STARD3NL: variants seen among roughly 807,000 people sequenced by gnomAD.
The protein encoded by STARD3NL is STARD3 N-terminal-like protein.
STARD3NL carries 17 observed loss-of-function variants against 30.9 expected under a neutral mutation model. That is an observed-to-expected ratio of 0.55 (90% CI 0.38 to 0.82). The LOEUF (loss-of-function observed/expected upper bound fraction) is 0.82, where lower values mean the gene tolerates loss of function less well. Ranked by LOEUF, STARD3NL falls within the 40% of genes least tolerant of loss-of-function variation. STARD3NL has a pLI of 0.00. For synonymous variants in STARD3NL, 112 were observed against 100.5 expected, an observed-to-expected ratio of 1.11 and a Z score of -0.69; for missense variants, 234 against 277.6, an observed-to-expected ratio of 0.84 and a Z score of 1.12.
intron 1 of STARD3NL, among the ~76,000 whole-genome samples, chr7:38,181,420 A>G (rs1784241755): frequency 6.6e-6 from 1 of 152,214 alleles, no homozygotes; most frequent in African/African-American, 2.4e-5. Context: ...TTATAAATTA[A>G]TATGAATAAG....
In STARD3NL at chr7:38,225,042, C is replaced by T. The variant is rs114343556; in HGVS notation, c.650-3757C>T. On this transcript the variant is annotated intron_variant, in intron 7 of 8. Coordinates refer to ENST00000009041, the MANE Select transcript of STARD3NL (RefSeq NM_032016.4). ...GTATGGGGTCTTTTTGATCATATCC[C>T]GGCTAGCAGATTTAAAGTGGTATCT... Among the ~76,000 whole-genome samples, 281 of 152,126 alleles carry T rather than the reference C, an allele frequency of 1.8e-3. 1 individual carries two copies. Among genetic ancestry groups the T allele is most frequent in the African/African-American group, 6.5e-3 (268 of 41,512 alleles).
intron 7 of STARD3NL, among the ~76,000 whole-genome samples, chr7:38,223,411 C>G (rs1786577002): frequency 6.6e-6 from 1 of 152,140 alleles, no homozygotes; most frequent in African/African-American, 2.4e-5. Context: ...CTTAAGTGAA[C>G]CAGTTATGAA....
intron 1 of STARD3NL, among the ~76,000 whole-genome samples, chr7:38,204,913 A>G (rs1402980892): frequency 6.6e-6 from 1 of 152,210 alleles, no homozygotes; most frequent in East Asian, 1.9e-4. Flanking sequence ...CTCGACACAT[A>G]CACCCTCCCA....
At chr7:38,186,137 T>C (rs1418869687) in intron 1 of STARD3NL, among the ~76,000 whole-genome samples, 2 of 152,172 alleles carry the variant, frequency 1.3e-5, no homozygotes, top group Non-Finnish European at 2.9e-5. Flanking sequence ...TGGTGATACA[T>C]CTCTAAGAGG....
chr7:38,207,827 T>G, intron 2 of STARD3NL, 98 bp downstream of exon 2: 1 of 1,116,774 alleles, frequency 9.0e-7, no homozygotes, highest in East Asian at 2.5e-5. Flanking sequence ...ATTTAGTAAT[T>G]TCCATCTTTT....
chr7:38,183,119 G>T (rs983622507), intron 1 of STARD3NL, among the ~76,000 whole-genome samples: 9 of 152,108 alleles, frequency 5.9e-5, no homozygotes, highest in African/African-American at 2.2e-4. Flanking sequence ...TATTTTAATT[G>T]TATGTTAAAT....
At position 38,222,141 on chromosome 7, in the gene STARD3NL, T is replaced by TCACACACACACACA. The variant is rs3223376; in HGVS notation, c.649+2512_649+2525dup. ...CCTACATTAGGCCTAGTTAATATTT[T>TCACACACACACACA]CACACACACACACACACACACACAC... On this transcript the variant is annotated intron_variant, in intron 7 of 8. Transcript: ENST00000009041. Among the ~76,000 whole-genome samples, 331 of 144,278 alleles carry TCACACACACACACA rather than the reference T, an allele frequency of 2.3e-3. 1 individual carries two copies. The highest frequency in any genetic ancestry group is 6.4e-3 in the African/African-American group (253 of 39,254). 94.7% of individuals were successfully genotyped at this position (144,278 alleles called of 152,430 possible).
At chr7:38,214,569 C>A in intron 3 of STARD3NL, 135 bp downstream of exon 3, 1 of 544,916 alleles carries the variant, frequency 1.8e-6, no homozygotes, top group Admixed American at 3.6e-5. Flanking sequence ...TCTTTTAATT[C>A]CCCACCCATT....
In STARD3NL at chr7:38,226,152, G is replaced by GTTTTTTTTTTTTTTTTTTT; in HGVS notation, c.650-2643_650-2625dup. 2.0e-5 allele frequency among the ~76,000 whole-genome samples: 2 copies of GTTTTTTTTTTTTTTTTTTT among 102,474 alleles called. 1 individual carries two copies. The highest frequency in any genetic ancestry group is 3.8e-5 in the Non-Finnish European group (2 of 52,370). 67.2% of individuals were successfully genotyped at this position (102,474 alleles called of 152,430 possible). On this transcript the variant is annotated intron_variant, in intron 7 of 8. Coordinates refer to ENST00000009041, the MANE Select transcript of STARD3NL (RefSeq NM_032016.4). ...ACTTTCTTGAATCTTTGCCTATCTT[G>GTTTTTTTTTTTTTTTTTTT]TTTTTTTTTTTTTTTTTTTTTTGAT... is the stretch of plus-strand genomic sequence containing the variant.
chr7:38,198,510 T>C (rs1785028675), intron 1 of STARD3NL: 1 of 152,254 alleles, frequency 6.6e-6, no homozygotes, highest in Non-Finnish European at 1.5e-5. Context: ...AACATGTCTC[T>C]AAGCCAAATC....
intron 7 of STARD3NL, among the ~76,000 whole-genome samples, chr7:38,226,714 A>C (rs1786792475): frequency 6.6e-6 from 1 of 152,170 alleles, no homozygotes; most frequent in Admixed American, 6.5e-5. Context: ...ACCACAACTC[A>C]GCCTCCCAGA....
chr7:38,213,769 G>A (rs916659809), intron 2 of STARD3NL, among the ~76,000 whole-genome samples: 3 of 152,192 alleles, frequency 2.0e-5, no homozygotes, highest in African/African-American at 7.2e-5. Flanking sequence ...GTTGTATCAG[G>A]TTTGAGTCTA....
intron 7 of STARD3NL, among the ~76,000 whole-genome samples, chr7:38,228,375 A>G (rs184935023): frequency 2.9e-4 from 44 of 152,332 alleles, no homozygotes; most frequent in African/African-American, 8.9e-4. Flanking sequence ...GGTCACTGCC[A>G]CAGTGCTCTC....
At chr7:38,201,005 A>G (rs1014658702) in intron 1 of STARD3NL, among the ~76,000 whole-genome samples, 3 of 152,228 alleles carry the variant, frequency 2.0e-5, no homozygotes, top group Non-Finnish European at 4.4e-5. Context: ...GTTTCACTCA[A>G]AAAATTAATT....
intron 7 of STARD3NL, 31 bp from the exon 8 acceptor site, chr7:38,228,768 C>CTTTTTTTT: frequency 6.3e-7 from 1 of 1,591,036 alleles, no homozygotes; most frequent in Non-Finnish European, 8.6e-7. Flanking sequence ...GAATGAAATA[C>CTTTTTTTT]TTTTTCTTTG....
intron 4 of STARD3NL, 44 bp from the exon 5 acceptor site, chr7:38,216,981 G>A: frequency 1.2e-6 from 2 of 1,606,280 alleles, no homozygotes; most frequent in African/African-American, 2.7e-5. Context: ...CCTTCACAGT[G>A]TGAGATGCCT....
At chr7:38,204,067 A>G (rs1785321107) in intron 1 of STARD3NL, among the ~76,000 whole-genome samples, 1 of 152,198 alleles carries the variant, frequency 6.6e-6, no homozygotes, top group Non-Finnish European at 1.5e-5. Context: ...TCAACATTAG[A>G]CAGATCAACG....
In STARD3NL at chr7:38,214,606, A is replaced by G. The variant is rs1785995673; in HGVS notation, c.303+172A>G. On this transcript the variant is annotated intron_variant, in intron 3 of 8. Transcript: ENST00000009041. ...AATGTTCTCTCTCTCTAAATAAGGA[A>G]TTGTGTCATCATCTCAAGGAAATAA... 2.6e-5 allele frequency among the ~76,000 whole-genome samples: 4 copies of G among 152,284 alleles called. No homozygotes were observed. The South Asian group carries it at 8.3e-4, about 32-fold the overall frequency.
At chr7:38,212,885 T>C (rs1785889403) in intron 2 of STARD3NL, among the ~76,000 whole-genome samples, 1 of 152,196 alleles carries the variant, frequency 6.6e-6, no homozygotes, top group African/African-American at 2.4e-5. Context: ...AAACTAAAGA[T>C]AGTTTATTTA....
Sources: gnomAD v4.1 joint callset for allele counts (sites outside exome capture counted in the v4.1 genomes callset) on GRCh38, gnomAD v4.1.1 for gene constraint, MANE v1.5 for transcripts, NCBI Gene and HGNC (gene_info 2026-07-23, HGNC 2026-07-21) for gene names.